DPP6: variants seen among roughly 807,000 people sequenced by gnomAD.
DPP6 encodes the protein dipeptidyl peptidase like 6.
Under a neutral mutation model 122.6 loss-of-function variants are expected in DPP6, and 69 were observed. The ratio of observed to expected loss-of-function variants is 0.56; its 90% CI spans 0.46 to 0.69. The LOEUF is 0.69. Among genes scored for constraint, DPP6 ranks in the 30% least tolerant of loss-of-function variants. The pLI, the probability that DPP6 is intolerant of heterozygous loss-of-function variation, is 0.00. For synonymous variants in DPP6, 418 were observed against 433.1 expected, an observed-to-expected ratio of 0.97 and a Z score of 0.43; for missense variants, 928 against 1,116.9, an observed-to-expected ratio of 0.83 and a Z score of 2.41.
chr7:154,559,561 T>C (rs968476090), intron 4 of DPP6, among the ~76,000 whole-genome samples: 1 of 152,102 alleles, frequency 6.6e-6, no homozygotes, highest in Non-Finnish European at 1.5e-5. Context: ...ATCAAGTTAC[T>C]TAAGATGAGT....
intron 4 of DPP6, among the ~76,000 whole-genome samples, chr7:154,559,871 C>T (rs972143754): frequency 1.3e-5 from 2 of 149,734 alleles, no homozygotes; most frequent in African/African-American, 2.5e-5. Flanking sequence ...CACCACTGCA[C>T]CCCAGCCTGG....
At chr7:154,301,786 CTTTTTTTTTTT>C (rs869114137) in intron 1 of DPP6, among the ~76,000 whole-genome samples, 15 of 119,836 alleles carry the variant, frequency 1.3e-4, no homozygotes, top group South Asian at 5.5e-4. Context: ...GATCTGCCCT[CTTTTTTTTTTT>C]TTTTTTTTTT....
chr7:154,847,854 A>G (rs1178180979), intron 16 of DPP6, among the ~76,000 whole-genome samples: 2 of 152,064 alleles, frequency 1.3e-5, no homozygotes, highest in African/African-American at 4.8e-5. Flanking sequence ...TCTGGTAACC[A>G]TCTTTCTACT....
chr7:154,418,574 G>A (rs1817215407), intron 1 of DPP6, among the ~76,000 whole-genome samples: 1 of 152,148 alleles, frequency 6.6e-6, no homozygotes, highest in Non-Finnish European at 1.5e-5. Context: ...GATGTCAAAT[G>A]TACCTGAAAC....
rs373378162 is a variant in DPP6, at chr7:154,023,318, G to GCACGCGCACGCA, written c.51+135587_51+135588insGCGCACGCACAC. ...CAGGCTCTGGAAATGTTTCTTGTCT[G>GCACGCGCACGCA]CACACACACACACACACACACACAC... On this transcript the variant is annotated intron_variant, in intron 1 of 25. Coordinates refer to the DPP6 transcript ENST00000404039. 2.5e-3 allele frequency among the ~76,000 whole-genome samples: 318 copies of GCACGCGCACGCA among 129,608 alleles called. 3 individuals carry two copies. Among genetic ancestry groups the GCACGCGCACGCA allele is most frequent in the African/African-American group, 9.7e-3 (302 of 31,168 alleles). The allele number at this position is 129,608 out of a possible 152,430, so 85.0% of individuals were successfully genotyped here. A position where few individuals can be genotyped will look rare whatever the true frequency, so the allele number is the denominator to read the frequency against.
intron 1 of DPP6, among the ~76,000 whole-genome samples, chr7:153,975,157 G>A (rs11486926): frequency 0.091 from 13,887 of 151,796 alleles, 2,097 homozygotes; most frequent in African/African-American, 0.31. Context: ...AATTTGCTAG[G>A]ACTGGGGAAT....
chr7:154,821,619 T>A lies in DPP6; in HGVS notation c.1666+14507T>A, dbSNP rs868575879. On this transcript the variant is annotated intron_variant, in intron 16 of 25. Coordinates refer to ENST00000377770, the MANE Select transcript of DPP6 (RefSeq NM_130797.4). This position sits in a 1 kb window ranked among gnomAD's most constrained non-coding sequence, Gnocchi z 4.2. ...GTTAAGTGAATATATATATATATAT[T>A]TTTTTTCTGTATATATATATATATA... Among the ~76,000 whole-genome samples the A allele has an allele frequency of 2.8e-3, 150 of 53,980 alleles. 2 individuals carry two copies. The highest frequency in any genetic ancestry group is 9.5e-3 in the African/African-American group (133 of 14,006). The allele number at this position is 53,980 out of a possible 152,430, so 35.4% of individuals were successfully genotyped here. A position where few individuals can be genotyped will look rare whatever the true frequency, so the allele number is the denominator to read the frequency against.
intron 7 of DPP6, among the ~76,000 whole-genome samples, chr7:154,683,508 C>T (rs1170302252): frequency 6.6e-6 from 1 of 152,170 alleles, no homozygotes; most frequent in Non-Finnish European, 1.5e-5. Flanking sequence ...CCACCATCAC[C>T]TCATGCCTAG....
intron 1 of DPP6, among the ~76,000 whole-genome samples, chr7:154,209,919 G>A (rs1353929457): frequency 6.6e-6 from 1 of 152,168 alleles, no homozygotes; most frequent in African/African-American, 2.4e-5. Context: ...TATGCATGCA[G>A]TTAGACCCCA....
intron 1 of DPP6, among the ~76,000 whole-genome samples, chr7:154,064,935 G>T (rs1466371300): frequency 2.0e-5 from 3 of 152,168 alleles, no homozygotes; most frequent in Non-Finnish European, 4.4e-5. Context: ...AAGTGGTTCT[G>T]CAGACCTTGC....
At chr7:153,756,991 T>C in the DPP6 span, among the ~76,000 whole-genome samples, 1 of 152,208 alleles carries the variant, frequency 6.6e-6, no homozygotes, top group Non-Finnish European at 1.5e-5. Context: ...AGTCAAAAGT[T>C]ATACCTCAAA....
chr7:154,384,754 G>T (rs1813936831), intron 1 of DPP6, among the ~76,000 whole-genome samples: 3 of 134,636 alleles, frequency 2.2e-5, no homozygotes, highest in Admixed American at 1.5e-4. Flanking sequence ...TTTTTTTTGA[G>T]ACAGAGTCTC....
At chr7:154,633,017 G>T (rs1021661036) in intron 5 of DPP6, among the ~76,000 whole-genome samples, 1 of 152,056 alleles carries the variant, frequency 6.6e-6, no homozygotes, top group South Asian at 2.1e-4. Context: ...TCCATCTTGT[G>T]GATAGTGTTT....
At chr7:154,851,516 G>A (rs1414159771) in intron 16 of DPP6, among the ~76,000 whole-genome samples, 8 of 152,156 alleles carry the variant, frequency 5.3e-5, no homozygotes, top group South Asian at 2.1e-4. Context: ...CCATGGGGGG[G>A]AAATGAATCT....
At chr7:154,873,276 G>A (rs1157304116) in intron 19 of DPP6, among the ~76,000 whole-genome samples, 2 of 152,242 alleles carry the variant, frequency 1.3e-5, no homozygotes, top group Non-Finnish European at 2.9e-5. Context: ...CCTGTGCATA[G>A]GTTCAAATGT....
At chr7:154,169,696 C>T (rs1048296853) in intron 1 of DPP6, among the ~76,000 whole-genome samples, 18 of 151,990 alleles carry the variant, frequency 1.2e-4, no homozygotes, top group Non-Finnish European at 2.5e-4. Flanking sequence ...GTATCTTGTC[C>T]AAGGTCCTGT....
chr7:154,687,966 T>C (rs1839718711), intron 7 of DPP6, among the ~76,000 whole-genome samples: 1 of 152,206 alleles, frequency 6.6e-6, no homozygotes, highest in African/African-American at 2.4e-5. Context: ...CTGCTATTTA[T>C]CAAACTTCTG....
At chr7:154,393,554 ATT>A (rs552425581) in intron 1 of DPP6, among the ~76,000 whole-genome samples, 4,224 of 141,400 alleles carry the variant, frequency 0.03, 190 homozygotes, top group African/African-American at 0.1. Context: ...AGATTGTTCA[ATT>A]TTTTTTTTTT....
At chr7:154,438,629 T>C (rs1233800774) in intron 1 of DPP6, among the ~76,000 whole-genome samples, 1 of 152,108 alleles carries the variant, frequency 6.6e-6, no homozygotes, top group African/African-American at 2.4e-5. Flanking sequence ...TCTGTCTCTT[T>C]GAGCTTCTTA....
Sources: gnomAD v4.1 joint callset for allele counts (sites outside exome capture counted in the v4.1 genomes callset) on GRCh38, gnomAD v4.1.1 for gene constraint, Gnocchi (gnomAD v3.1) non-coding constraint, MANE v1.5 for transcripts, NCBI Gene and HGNC (gene_info 2026-07-23, HGNC 2026-07-21) for gene names.